Variants in KMT2D observed in about 807,000 individuals in gnomAD.
KMT2D encodes lysine methyltransferase 2D, also known as histone-lysine N-methyltransferase 2D.
In KMT2D, 55 loss-of-function variants were observed where a neutral mutation model predicts 512.7. The observed-to-expected ratio is 0.11, with a 90% CI of 0.09 to 0.13. KMT2D has a LOEUF of 0.13. Among genes scored for constraint, KMT2D ranks in the 10% least tolerant of loss-of-function variants. The pLI is 1.00. For missense variants in KMT2D, 6,061 were observed against 7,127.9 expected (o/e 0.85, Z 5.39); for synonymous variants, 2,995 against 2,904.0 (o/e 1.03, Z -1.01).
rs780904832 is a variant in KMT2D, at chr12:49,044,985, A to T, written c.4742-20T>A. The T allele has an allele frequency of 1.2e-6, 2 of 1,600,724 alleles. No homozygotes were observed. ...GGGGCTCTGCATAAGAGGAAAGAGT[A>T]TGTGATCCCTGGATGGAAGCCCCAG... On this transcript the variant is annotated intron_variant, in intron 19 of 54. Transcript: ENST00000301067. This position sits in a 1 kb window ranked among gnomAD's most constrained non-coding sequence, Gnocchi z 6.4.
In KMT2D at chr12:49,044,421, G is replaced by A. The variant is rs761386159; in HGVS notation, c.5065C>T (p.Arg1689Cys). Residue 1689 changes from arginine (R) to cysteine (C), a missense_variant, in exon 21 of 55, where the codon CGT becomes TGT. Physicochemically the swap from Arg to Cys is radical, Grantham distance 180. Transcript: ENST00000301067. This position sits in a 1 kb window ranked among gnomAD's most constrained non-coding sequence, Gnocchi z 6.4. Reference sequence around the variant, plus strand: ...ACCTCACCAGGCCGATATGGTTTACGCTTGCGTTTTTTGCTTTCCTCGGTC... The same window carrying A: ...ACCTCACCAGGCCGATATGGTTTACACTTGCGTTTTTTGCTTTCCTCGGTC... ...EETEESKKRK[R>C]KPYRPGIGGF... is the part of the protein sequence containing the mutation. The A allele has an allele frequency of 3.7e-6, 6 of 1,613,626 alleles. No individual in the cohort carries two copies. The highest frequency in any genetic ancestry group is 5.1e-6 in the Non-Finnish European group (6 of 1,179,874).
In KMT2D at chr12:49,033,684, T is replaced by C. The variant is rs370631539; in HGVS notation, c.11021A>G (p.Asn3674Ser). 7 of 1,613,552 alleles carry C rather than the reference T, an allele frequency of 4.3e-6. No individual in the cohort carries two copies. In the African/African-American group the frequency reaches 8.0e-5, roughly 18 times the overall value. ...LPGQPGGPFL[N>S]TALAQQQQQQ... ...TTGCTGCTGTTGGGCCAGAGCTGTA[T>C]TAAGGAAGGGGCCACCAGGCTGTCC... Residue 3674 changes from asparagine (N) to serine (S), a missense_variant, in exon 40 of 55, where the codon AAT becomes AGT. Asn to Ser is a conservative substitution (Grantham distance 46). This residue lies in a region of KMT2D where 1,600 missense variants were observed against 1,754.9 expected (regional missense o/e 0.91). Coordinates refer to ENST00000301067, the MANE Select transcript of KMT2D (RefSeq NM_003482.4).
rs2120447937 is a variant in KMT2D at position 49,033,857 on chromosome 12, C to A, written c.10848G>T (p.Val3616=). ...GACTCTGGGAAGGGCTGAGAGCCAGCACAGCTGAGTGCTGTTGCTGTTGTT... is the reference window on the plus strand; with the variant it reads ...GACTCTGGGAAGGGCTGAGAGCCAGAACAGCTGAGTGCTGTTGCTGTTGTT... ...QQQQQQQHSA[V]LALSPSQSPR... is the part of the protein sequence containing the mutation. The change falls in exon 40 of 55, where the codon GTG becomes GTT. Residue 3616 remains valine, a synonymous_variant. Coordinates refer to ENST00000301067, the MANE Select transcript of KMT2D (RefSeq NM_003482.4). The A allele has an allele frequency of 6.4e-7, 1 of 1,558,868 alleles. No homozygotes were observed. Among genetic ancestry groups the A allele is most frequent in the Non-Finnish European group, 8.7e-7 (1 of 1,154,124 alleles).
In KMT2D at chr12:49,019,521, T is replaced by C. The variant is rs1236742967; in HGVS notation, c.*2259A>G. On this transcript the variant is annotated 3_prime_UTR_variant, in exon 55 of 55. Coordinates refer to ENST00000301067, the MANE Select transcript of KMT2D (RefSeq NM_003482.4). ...GTTTCTTCACTAAATTCTACAGGAC[T>C]ATCGGATACCTAGCATATGCTTACA... 4.4e-5 allele frequency: 10 copies of C among 225,994 alleles called. No individual in the cohort carries two copies. The highest frequency in any genetic ancestry group is 8.8e-5 in the Non-Finnish European group (10 of 113,276). The allele number at this position is 225,994 out of a possible 1,614,324, so 14.0% of individuals were successfully genotyped here.
At chr12:49,048,556 C>T (rs1937699054) in intron 14 of KMT2D, 103 bp downstream of exon 14, 2 of 714,020 alleles carry the variant, frequency 2.8e-6, no homozygotes, top group African/African-American at 1.9e-5. Flanking sequence ...TCTGTTTTCT[C>T]ATTAGCTGGG....
At chr12:49,056,200 G>C (rs948213764) in intron 1 of KMT2D, among the ~76,000 whole-genome samples, 1 of 152,182 alleles carries the variant, frequency 6.6e-6, no homozygotes, top group Non-Finnish European at 1.5e-5. Flanking sequence ...AGGAAGCATA[G>C]AGCCACTCAG....
intron 54 of KMT2D, 51 bp from the exon 55 acceptor site, chr12:49,021,923 G>A (rs928648653): frequency 1.3e-6 from 2 of 1,575,558 alleles, no homozygotes; most frequent in Admixed American, 1.7e-5. Flanking sequence ...AGGAAGAGGG[G>A]AGGCCAGAGA....
Position 49,036,313 on chromosome 12 carries a change from CT to C in KMT2D, c.10231+811del, listed in dbSNP as rs766450235. Among the ~76,000 whole-genome samples, 742 of 136,442 alleles carry C rather than the reference CT, an allele frequency of 5.4e-3. 1 individual carries two copies. The highest frequency in any genetic ancestry group is 0.011 in the Middle Eastern group (3 of 270). 89.5% of individuals were successfully genotyped at this position (136,442 alleles called of 152,430 possible). The stretch of plus-strand genomic sequence containing the variant: ...TGAACTTTTTCACCTATCCCAATCG[CT>C]TTTTTTTTTTTTTTTAAGACAGAGT... On this transcript the variant is annotated intron_variant, in intron 35 of 54. Transcript: ENST00000301067.
chr12:49,030,623 T>G lies in KMT2D; in HGVS notation c.13817A>C (p.Tyr4606Ser). The change falls in exon 42 of 55, where the codon TAC becomes TCC. Residue 4606 changes from tyrosine to serine, a missense_variant. By Grantham distance (144) the Tyr-to-Ser change is moderately radical. Coordinates refer to ENST00000301067, the MANE Select transcript of KMT2D (RefSeq NM_003482.4). ...GSGALPTGPD[Y>S]YSQLLTKNNL... ...GACCTTGGTAAGCAGCTGGGAATAG[T>G]AGTCAGGGCCAGTGGGCAGCGCCCC... is the stretch of plus-strand genomic sequence containing the variant. 1 of 1,585,928 alleles carries G rather than the reference T, an allele frequency of 6.3e-7. No individual in the cohort carries two copies. Among genetic ancestry groups the G allele is most frequent in the Non-Finnish European group, 8.6e-7 (1 of 1,165,440 alleles).
Position 49,049,093 on chromosome 12 carries a change from G to A in KMT2D, c.4020+12C>T, listed in dbSNP as rs1284566833. ...GGTTGGGGGATGGGAGGAATAGGAG[G>A]CATCTCCTTACTACCAGAGTCTCAA... On this transcript the variant is annotated intron_variant, in intron 13 of 54. Coordinates refer to ENST00000301067, the MANE Select transcript of KMT2D (RefSeq NM_003482.4). 5 of 1,514,946 alleles carry A rather than the reference G, an allele frequency of 3.3e-6. No individual in the cohort carries two copies. Among genetic ancestry groups the A allele is most frequent in the Non-Finnish European group, 3.7e-6 (4 of 1,093,676 alleles). The allele number at this position is 1,514,946 out of a possible 1,614,324, so 93.8% of individuals were successfully genotyped here. A position where few individuals can be genotyped will look rare whatever the true frequency, so the allele number is the denominator to read the frequency against.
In KMT2D at chr12:49,051,247, C is replaced by A. The variant is rs1453454638; in HGVS notation, c.2436G>T (p.Glu812Asp). 4 of 1,532,054 alleles carry A rather than the reference C, an allele frequency of 2.6e-6. No individual in the cohort carries two copies. The African/African-American group carries it at 5.6e-5, about 22-fold the overall frequency. The allele number at this position is 1,532,054 out of a possible 1,614,324, so 94.9% of individuals were successfully genotyped here. The change falls in exon 11 of 55, where the codon GAG (glutamate) becomes GAT (aspartate). Residue 812 changes from glutamate (E) to aspartate (D), a missense_variant. Glu to Asp is a conservative substitution (Grantham distance 45, BLOSUM62 2). This residue lies in a region of KMT2D where 848 missense variants were observed against 838.5 expected (regional missense o/e 1.01). Transcript: ENST00000301067. ...EELHLSPQTEEPHLSPVPEEP... is the reference protein window; with the variant it reads ...EELHLSPQTEDPHLSPVPEEP... ...CCTCAGGCACAGGAGACAGGTGCGG[C>A]TCCTCAGTCTGGGGGGACAGGTGCA...
intron 48 of KMT2D, among the ~76,000 whole-genome samples, 191 bp downstream of exon 48, chr12:49,027,612 G>A (rs996663684): frequency 2.0e-5 from 3 of 151,932 alleles, no homozygotes; most frequent in African/African-American, 4.8e-5. Flanking sequence ...ATCACGCCTG[G>A]CTACTGTTTT....
rs1213240312 is a variant in KMT2D, at chr12:49,038,858, A to G, written c.8498T>C (p.Met2833Thr). 2 of 1,552,668 alleles carry G rather than the reference A, an allele frequency of 1.3e-6. No individual in the cohort carries two copies. The highest frequency in any genetic ancestry group is 2.7e-5 in the African/African-American group (2 of 73,080). ...AGGAGTTGATGGAAAGCGAGCTGACATGGCAAATCGCATGGAGGTTGCTGC... is the reference window on the plus strand; with the variant it reads ...AGGAGTTGATGGAAAGCGAGCTGACGTGGCAAATCGCATGGAGGTTGCTGC... ...ATAATSMRFA[M>T]SARFPSTPGP... is the part of the protein sequence containing the mutation. Residue 2833 changes from methionine to threonine, a missense_variant, in exon 35 of 55, where the codon ATG becomes ACG. Coordinates refer to ENST00000301067, the MANE Select transcript of KMT2D (RefSeq NM_003482.4). The surrounding 1 kb of genome is among the most constrained non-coding windows in gnomAD (Gnocchi z 5.7).
chr12:49,054,032 T>C lies in KMT2D; in HGVS notation c.619A>G (p.Met207Val), dbSNP rs1938247158. 2 of 1,613,752 alleles carry C rather than the reference T, an allele frequency of 1.2e-6. No individual in the cohort carries two copies. Among genetic ancestry groups the C allele is most frequent in the East Asian group, 2.2e-5 (1 of 44,892 alleles). ...GGGCATAGCAGCTGCAGTGTTTTCA[T>C]GGATAGGAAGGAACCGCTGGCAGTC... The part of the protein sequence containing the change: ...CATASGSFLS[M>V]KTLQLLCPEH... The change falls in exon 6 of 55, where the codon ATG becomes GTG. Residue 207 changes from methionine to valine, a missense_variant. Physicochemically the swap from Met to Val is conservative, Grantham distance 21. Coordinates refer to ENST00000301067, the MANE Select transcript of KMT2D (RefSeq NM_003482.4). This position sits in a 1 kb window ranked among gnomAD's most constrained non-coding sequence, Gnocchi z 6.4.
chr12:49,034,960 C>G (rs1592124757), intron 35 of KMT2D, 25 bp from the exon 36 acceptor site: 3 of 1,613,302 alleles, frequency 1.9e-6, no homozygotes, highest in Non-Finnish European at 1.7e-6. Context: ...ACCAAGTGAG[C>G]TGGGCTATGG....
At chr12:49,035,112 C>A (rs1038823211) in intron 35 of KMT2D, among the ~76,000 whole-genome samples, 177 bp from the exon 36 acceptor site, 1 of 152,188 alleles carries the variant, frequency 6.6e-6, no homozygotes, top group African/African-American at 2.4e-5. Context: ...ATTCACAGGA[C>A]ATGTGGGCCT....
At position 49,021,491 on chromosome 12, in the gene KMT2D, C is replaced by T. The variant is rs1942326735; in HGVS notation, c.*289G>A. 1 of 474,484 alleles carries T rather than the reference C, an allele frequency of 2.1e-6. No individual in the cohort carries two copies. The allele number at this position is 474,484 out of a possible 1,614,324, so 29.4% of individuals were successfully genotyped here. ...CTTCTGGGTAGTTCCCGGCCCATAT[C>T]CCCCTCAAACCTGAGATGCCCAATG... On this transcript the variant is annotated 3_prime_UTR_variant, in exon 55 of 55. Coordinates refer to ENST00000301067, the MANE Select transcript of KMT2D (RefSeq NM_003482.4).
Position 49,024,955 on chromosome 12 carries a change from C to T in KMT2D, c.15785-9G>A, listed in dbSNP as rs1170651215. Reference sequence around the variant, plus strand: ...GATGCGATTCCACACGGCTAAGAAGCAGGGAAGAGAGCAGTCCTCAGAGGC... The same window carrying T: ...GATGCGATTCCACACGGCTAAGAAGTAGGGAAGAGAGCAGTCCTCAGAGGC... On this transcript the variant is annotated splice_polypyrimidine_tract_variant and intron_variant, in intron 49 of 54. Transcript: ENST00000301067. This position sits in a 1 kb window ranked among gnomAD's most constrained non-coding sequence, Gnocchi z 4.5. The T allele has an allele frequency of 1.3e-6, 2 of 1,585,656 alleles. No homozygotes were observed. The highest frequency in any genetic ancestry group is 1.3e-5 in the African/African-American group (1 of 74,286).
rs556666267 is a variant in KMT2D, at chr12:49,041,191, C to T, written c.6579G>A (p.Pro2193=). 3.0e-4 allele frequency: 456 copies of T among 1,514,582 alleles called. 4 individuals carry two copies. The South Asian group carries it at 5.8e-3, about 19-fold the overall frequency. The allele number at this position is 1,514,582 out of a possible 1,614,324, so 93.8% of individuals were successfully genotyped here. The change falls in exon 32 of 55, where the codon CCG becomes CCA. Residue 2193 remains proline, a synonymous_variant. Coordinates refer to ENST00000301067, the MANE Select transcript of KMT2D (RefSeq NM_003482.4). This position sits in a 1 kb window ranked among gnomAD's most constrained non-coding sequence, Gnocchi z 5.4. ...YPLEPRFPTA[P]PTYPPYPSPT... ...GACTAGGATAGGGGGGATAGGTGGG[C>T]GGTGCCGTGGGGAAGCGGGGCTCCA... is the stretch of plus-strand genomic sequence containing the variant.
Sources: gnomAD v4.1 joint callset for allele counts (sites outside exome capture counted in the v4.1 genomes callset) on GRCh38, gnomAD v4.1.1 for gene constraint, gnomAD v4.1.1 regional missense constraint, Gnocchi (gnomAD v3.1) non-coding constraint, MANE v1.5 for transcripts, NCBI Gene and HGNC (gene_info 2026-07-23, HGNC 2026-07-21) for gene names.